VPS35L: variants seen among roughly 807,000 people sequenced by gnomAD.
VPS35L encodes the protein VPS35 endosomal protein sorting factor like.
In VPS35L, 83 loss-of-function variants were observed where a neutral mutation model predicts 133.0. That is an observed-to-expected ratio of 0.62 (90% CI 0.52 to 0.75). The LOEUF is 0.75. Among genes scored for constraint, VPS35L ranks in the 30% least tolerant of loss-of-function variants. The pLI is 0.00. For missense variants in VPS35L, 1,083 were observed against 1,206.8 expected (o/e 0.90, Z 1.52); for synonymous variants, 423 against 449.9 (o/e 0.94, Z 0.76).
At chr16:19,598,162 C>T (rs1024144518) in intron 8 of VPS35L, among the ~76,000 whole-genome samples, 20 of 152,118 alleles carry the variant, frequency 1.3e-4, no homozygotes, top group Non-Finnish European at 1.5e-5. Context: ...ATGGGGCTAT[C>T]GTAGACCCTG....
intron 28 of VPS35L, among the ~76,000 whole-genome samples, chr16:19,688,716 G>A (rs555122699): frequency 3.9e-5 from 6 of 152,294 alleles, no homozygotes; most frequent in East Asian, 1.9e-4. Flanking sequence ...GTTCACAGCC[G>A]GTTATGCTCG....
chr16:19,689,458 A>G (rs961790511), intron 28 of VPS35L, among the ~76,000 whole-genome samples: 6 of 150,932 alleles, frequency 4.0e-5, no homozygotes, highest in Admixed American at 3.3e-4. Flanking sequence ...TTTTGGTAGA[A>G]ACTGGGTTTC....
intron 1 of VPS35L, among the ~76,000 whole-genome samples, chr16:19,560,513 AG>A (rs1970994271): frequency 6.6e-6 from 1 of 152,152 alleles, no homozygotes; most frequent in Admixed American, 6.5e-5. Flanking sequence ...GAGTCATTTG[AG>A]GCTGGGCGTG....
chr16:19,678,944 T>C (rs564133581), intron 27 of VPS35L, among the ~76,000 whole-genome samples: 3 of 152,300 alleles, frequency 2.0e-5, no homozygotes, highest in South Asian at 2.1e-4. Context: ...CACTGGCCCT[T>C]GTACCACCTT....
In VPS35L at chr16:19,582,835, G is replaced by A. The variant is rs150467958; in HGVS notation, c.639+1182G>A. Among the ~76,000 whole-genome samples the A allele has an allele frequency of 2.6e-3, 399 of 152,204 alleles. 1 individual carries two copies. Among genetic ancestry groups the A allele is most frequent in the Admixed American group, 4.3e-3 (66 of 15,286 alleles). ...AACTCCACATCTGGCTAATAGTAAC[G>A]ATTCAACAATACATTAAGGACTGCC... On this transcript the variant is annotated intron_variant, in intron 7 of 30. Transcript: ENST00000417362.
chr16:19,627,631 C>A, intron 15 of VPS35L, 63 bp from the exon 16 acceptor site: 2 of 1,315,598 alleles, frequency 1.5e-6, no homozygotes, highest in South Asian at 1.2e-5. Flanking sequence ...AATATATATT[C>A]AAAAATTAAA....
At chr16:19,695,119 C>A (rs567022347) in intron 29 of VPS35L, among the ~76,000 whole-genome samples, 1 of 152,328 alleles carries the variant, frequency 6.6e-6, no homozygotes, top group Admixed American at 6.5e-5. Flanking sequence ...CCCCTGATTT[C>A]TTGAAACCAT....
intron 10 of VPS35L, 90 bp downstream of exon 10, chr16:19,608,364 G>T: frequency 1.0e-6 from 1 of 1,000,816 alleles, no homozygotes; most frequent in South Asian, 1.4e-5. Context: ...GGGATGCCCT[G>T]ACATTCTTAT....
At chr16:19,614,899 A>G (rs1972836531) in intron 12 of VPS35L, among the ~76,000 whole-genome samples, 1 of 152,220 alleles carries the variant, frequency 6.6e-6, no homozygotes, top group African/African-American at 2.4e-5. Context: ...TCAGCTAGAA[A>G]TGTTACAGTC....
chr16:19,669,183 A>G lies in VPS35L; in HGVS notation c.2245A>G (p.Ile749Val), dbSNP rs202109632. The change falls in exon 27 of 31, where the codon ATA becomes GTA. Residue 749 changes from isoleucine to valine, a missense_variant. By Grantham distance (29) the Ile-to-Val change is conservative. Transcript: ENST00000417362. Reference protein sequence around the residue: ...SQADAFFKAAISLVPEVPKMI... With the variant: ...SQADAFFKAAVSLVPEVPKMI... Reference sequence around the variant, plus strand: ...AGCTGATGCTTTTTTCAAAGCCGCTATAAGCCTTGTTCCGGAAGTTCCAAA... The same window carrying G: ...AGCTGATGCTTTTTTCAAAGCCGCTGTAAGCCTTGTTCCGGAAGTTCCAAA... The G allele has an allele frequency of 1.9e-6, 3 of 1,610,980 alleles. No homozygotes were observed. The highest frequency in any genetic ancestry group is 2.5e-6 in the Non-Finnish European group (3 of 1,177,658).
At chr16:19,588,483 C>G (rs886174439) in intron 7 of VPS35L, among the ~76,000 whole-genome samples, 1 of 152,156 alleles carries the variant, frequency 6.6e-6, no homozygotes, top group African/African-American at 2.4e-5. Flanking sequence ...TGAGCCACCA[C>G]GCCTGGCCTG....
intron 26 of VPS35L, among the ~76,000 whole-genome samples, chr16:19,657,448 T>C (rs1974343356): frequency 6.6e-6 from 1 of 152,170 alleles, no homozygotes; most frequent in South Asian, 2.1e-4. Context: ...AAACAGAAAG[T>C]TAGGTCAGGT....
chr16:19,633,248 G>T lies in VPS35L; in HGVS notation c.1635+76G>T, dbSNP rs1408831556. 8 of 1,321,850 alleles carry T rather than the reference G, an allele frequency of 6.1e-6. No homozygotes were observed. In the Admixed American group the frequency reaches 1.2e-4, roughly 19 times the overall value. 81.9% of individuals were successfully genotyped at this position (1,321,850 alleles called of 1,614,324 possible). A position where few individuals can be genotyped will look rare whatever the true frequency, so the allele number is the denominator to read the frequency against. ...TGAATTAAATAGGCGTGTTGTATGGGTCAGGCTATAAAGGCACATAATCCT... is the reference window on the plus strand; with the variant it reads ...TGAATTAAATAGGCGTGTTGTATGGTTCAGGCTATAAAGGCACATAATCCT... On this transcript the variant is annotated intron_variant, in intron 19 of 30. Coordinates refer to ENST00000417362, the MANE Select transcript of VPS35L (RefSeq NM_020314.7). This position sits in a 1 kb window ranked among gnomAD's most constrained non-coding sequence, Gnocchi z 4.1.
At chr16:19,672,271 C>A (rs1974903005) in intron 27 of VPS35L, among the ~76,000 whole-genome samples, 1 of 152,166 alleles carries the variant, frequency 6.6e-6, no homozygotes, top group Admixed American at 6.5e-5. Flanking sequence ...TTTTTAAAAG[C>A]CCCCTTCAGT....
chr16:19,667,755 G>C (rs1974743822), intron 26 of VPS35L, among the ~76,000 whole-genome samples: 1 of 147,058 alleles, frequency 6.8e-6, no homozygotes, highest in Non-Finnish European at 1.5e-5. Flanking sequence ...AAAAAAACCA[G>C]AAAAAAAAAT....
At chr16:19,557,236 CAG>C (rs1970888766) in intron 1 of VPS35L, among the ~76,000 whole-genome samples, 1 of 152,212 alleles carries the variant, frequency 6.6e-6, no homozygotes, top group South Asian at 2.1e-4. Flanking sequence ...AGTTTGCAAT[CAG>C]AAAATCCAGG....
At chr16:19,667,741 A>G (rs943296123) in intron 26 of VPS35L, among the ~76,000 whole-genome samples, 3 of 151,876 alleles carry the variant, frequency 2.0e-5, no homozygotes, top group African/African-American at 7.3e-5. Flanking sequence ...CTGGAAAAAA[A>G]AAAAAAAAAA....
intron 5 of VPS35L, 77 bp from the exon 6 acceptor site, chr16:19,578,973 GTA>G: frequency 8.9e-7 from 1 of 1,124,886 alleles, no homozygotes; most frequent in East Asian, 2.4e-5. Context: ...ACGATGAAGT[GTA>G]GAGTGAAAGA....
chr16:19,700,106 G>A (rs1033127797), intron 30 of VPS35L, among the ~76,000 whole-genome samples: 1 of 152,134 alleles, frequency 6.6e-6, no homozygotes, highest in Non-Finnish European at 1.5e-5. Context: ...CCAAAACAAA[G>A]AACAAAAGCA....
Sources: allele counts gnomAD v4.1 joint callset (sites outside exome capture counted in the v4.1 genomes callset), GRCh38; gene constraint gnomAD v4.1.1; non-coding constraint Gnocchi (gnomAD v3.1); transcripts MANE v1.5; gene names NCBI Gene and HGNC (gene_info 2026-07-23, HGNC 2026-07-21).